The following AARS1 variants were observed in gnomAD, a reference collection of about 807,000 sequenced individuals.
The protein encoded by AARS1 is alanine--tRNA ligase, cytoplasmic.
Under a neutral mutation model 108.9 loss-of-function variants are expected in AARS1, and 72 were observed. That is an observed-to-expected ratio of 0.66 (90% CI 0.55 to 0.80). The LOEUF (loss-of-function observed/expected upper bound fraction) is 0.80, where lower values mean the gene tolerates loss of function less well. AARS1 is among the 30% of genes least tolerant of loss of function. AARS1 has a pLI of 0.00. For synonymous variants in AARS1, 489 were observed against 465.7 expected (o/e 1.05, Z -0.64); for missense variants, 1,193 against 1,233.2 (o/e 0.97, Z 0.49).
rs776276100 is a variant in AARS1 at position 70,253,920 on chromosome 16, C to A, written c.2519G>T (p.Arg840Leu). 1 of 1,614,224 alleles carries A rather than the reference C, an allele frequency of 6.2e-7. No individual in the cohort carries two copies. The highest frequency in any genetic ancestry group is 1.7e-5 in the Admixed American group (1 of 60,026). ...GCCACTGGTGCTGCCAGGACTCACT[C>A]GTTTCTGGACATCGGCTTTGCTGGC... The part of the protein sequence containing the change: ...DRASKADVQK[R>L]VLEKTKQFID... The change falls in exon 18 of 21, where the codon CGA (arginine) becomes CTA (leucine). Residue 840 changes from arginine to leucine, a missense_variant and splice_region_variant. Arg to Leu is a moderately radical substitution (Grantham distance 102, BLOSUM62 -2). Coordinates refer to ENST00000261772, the MANE Select transcript of AARS1 (RefSeq NM_001605.3).
At chr16:70,288,381 T>C (rs1960918693) in intron 1 of AARS1, among the ~76,000 whole-genome samples, 1 of 151,746 alleles carries the variant, frequency 6.6e-6, no homozygotes, top group Non-Finnish European at 1.5e-5. Context: ...AGTGCTGGGA[T>C]TACAGGCGTG....
intron 3 of AARS1, 97 bp from the exon 4 acceptor site, chr16:70,276,728 C>T: frequency 7.3e-7 from 1 of 1,376,540 alleles, no homozygotes; most frequent in Non-Finnish European, 1.0e-6. Context: ...AAAATCACAA[C>T]ATGTTCACTC....
Position 70,271,775 on chromosome 16 carries a change from G to C in AARS1, c.671+6C>G. 1 of 1,613,944 alleles carries C rather than the reference G, an allele frequency of 6.2e-7. No homozygotes were observed. The highest frequency in any genetic ancestry group is 8.5e-7 in the Non-Finnish European group (1 of 1,179,908). ...GGAAAGGAATGGAGTAGGAACCCAA[G>C]GCTACCTGTTATACTGGATGAACAC... On this transcript the variant is annotated splice_donor_region_variant and intron_variant, in intron 5 of 20. Coordinates refer to ENST00000261772, the MANE Select transcript of AARS1 (RefSeq NM_001605.3).
rs1415763165 is a variant in AARS1 at position 70,265,050 on chromosome 16, A to G, written c.1400T>C (p.Ile467Thr). ...TGCCCGGAGCTCTTCGATAGCGTAAATGTCCAGCATAATGAGGTCTTCCCC... is the reference window on the plus strand; with the variant it reads ...TGCCCGGAGCTCTTCGATAGCGTAAGTGTCCAGCATAATGAGGTCTTCCCC... ...AGGEDLIMLD[I>T]YAIEELRARG... Residue 467 changes from isoleucine (I) to threonine (T), a missense_variant, in exon 11 of 21, where the codon ATT becomes ACT. Coordinates refer to ENST00000261772, the MANE Select transcript of AARS1 (RefSeq NM_001605.3). 2 of 1,613,996 alleles carry G rather than the reference A, an allele frequency of 1.2e-6. No homozygotes were observed. The highest frequency in any genetic ancestry group is 3.3e-5 in the Admixed American group (2 of 59,982).
chr16:70,277,227 G>A, intron 2 of AARS1, 73 bp from the exon 3 acceptor site: 1 of 1,421,210 alleles, frequency 7.0e-7, no homozygotes, highest in Non-Finnish European at 9.9e-7. Flanking sequence ...CTAGCAGGAA[G>A]AGACGACCAC....
chr16:70,282,598 A>T (rs758454444), intron 2 of AARS1, 22 bp downstream of exon 2: 2 of 1,614,000 alleles, frequency 1.2e-6, no homozygotes, highest in African/African-American at 1.3e-5. Context: ...CCAAAAGCCA[A>T]GAAAAAAGGA....
At chr16:70,276,730 T>C (rs1304267514) in intron 3 of AARS1, 99 bp from the exon 4 acceptor site, 3 of 1,376,378 alleles carry the variant, frequency 2.2e-6, no homozygotes, top group Middle Eastern at 1.9e-4. Flanking sequence ...AATCACAACA[T>C]GTTCACTCTA....
Position 70,272,966 on chromosome 16 carries a change from A to G in AARS1, c.480-994T>C, listed in dbSNP as rs574912279. Reference sequence around the variant, plus strand: ...TATCTTTTAAAAGCTACACTTTTAAAGTGTAGATATACAGTACATGAAGTC... The same window carrying G: ...TATCTTTTAAAAGCTACACTTTTAAGGTGTAGATATACAGTACATGAAGTC... On this transcript the variant is annotated intron_variant, in intron 4 of 20. Coordinates refer to ENST00000261772, the MANE Select transcript of AARS1 (RefSeq NM_001605.3). Among the ~76,000 whole-genome samples, 3 of 151,952 alleles carry G rather than the reference A, an allele frequency of 2.0e-5. No individual in the cohort carries two copies. In the East Asian group the frequency reaches 5.8e-4, roughly 29 times the overall value.
At chr16:70,261,952 A>G (rs969509807) in intron 12 of AARS1, among the ~76,000 whole-genome samples, 2 of 152,046 alleles carry the variant, frequency 1.3e-5, no homozygotes, top group Non-Finnish European at 2.9e-5. Flanking sequence ...TATAGTCATG[A>G]GCCACCACAC....
At position 70,274,859 on chromosome 16, in the gene AARS1, C is replaced by T. The variant is rs572127099; in HGVS notation, c.479+1627G>A. ...CTATTAATGATGATTGAGGGAACTT[C>T]CACTTTCTATTTTCTACATTTCTAT... is the stretch of plus-strand genomic sequence containing the variant. On this transcript the variant is annotated intron_variant, in intron 4 of 20. Coordinates refer to ENST00000261772, the MANE Select transcript of AARS1 (RefSeq NM_001605.3). Among the ~76,000 whole-genome samples, 3 of 152,122 alleles carry T rather than the reference C, an allele frequency of 2.0e-5. No individual in the cohort carries two copies. The South Asian group carries it at 6.2e-4, about 32-fold the overall frequency.
In AARS1 at chr16:70,265,492, G is replaced by A. The variant is rs780356503; in HGVS notation, c.1347+46C>T. ...GCTCAGTCTGCAGCCAAGTGGTGCT[G>A]GGTTGGAAGGTGTTGGGTTTCCTGT... On this transcript the variant is annotated intron_variant, in intron 10 of 20. Transcript: ENST00000261772. The A allele has an allele frequency of 3.4e-5, 55 of 1,612,638 alleles. 3 individuals carry two copies. The South Asian group carries it at 4.0e-4, about 12-fold the overall frequency.
rs754119012 is a variant in AARS1 at position 70,253,970 on chromosome 16, CT to C, written c.2468del (p.Lys823ArgfsTer20). ...CTCGGTCCAAGTCATCCATGACCTTCTTTAGGGATTTGAGAGTCTCCCGCAA... is the reference window on the plus strand; with the variant it reads ...CTCGGTCCAAGTCATCCATGACCTTCTTAGGGATTTGAGAGTCTCCCGCAA... ...DELRETLKSL[K>X]KVMDDLDRAS... On this transcript the variant is annotated frameshift_variant, in exon 18 of 21. Coordinates refer to ENST00000261772, the MANE Select transcript of AARS1 (RefSeq NM_001605.3). LOFTEE classifies it high-confidence loss of function. 2 of 1,614,202 alleles carry C rather than the reference CT, an allele frequency of 1.2e-6. No homozygotes were observed. The highest frequency in any genetic ancestry group is 2.2e-5 in the East Asian group (1 of 44,876).
intron 1 of AARS1, among the ~76,000 whole-genome samples, chr16:70,284,649 T>C (rs1597450181): frequency 6.6e-6 from 1 of 152,218 alleles, no homozygotes; most frequent in Admixed American, 6.6e-5. Flanking sequence ...ACGATTTCCC[T>C]GAGAGGTAGG....
chr16:70,277,519 T>C (rs145917482), intron 2 of AARS1, among the ~76,000 whole-genome samples: 13 of 152,160 alleles, frequency 8.5e-5, no homozygotes, highest in African/African-American at 3.1e-4. Context: ...TCCTGAAAAT[T>C]GGTATGTTCA....
chr16:70,288,563 CTCTTT>C lies in AARS1; in HGVS notation c.-22+853_-22+857del, dbSNP rs1960931102. ...TCCCAGCAGCAACGACTGTTCTGGG[CTCTTT>C]TTTTTTTTTTTTTTTTGAAACGGAG... On this transcript the variant is annotated intron_variant, in intron 1 of 20. Coordinates refer to ENST00000261772, the MANE Select transcript of AARS1 (RefSeq NM_001605.3). Among the ~76,000 whole-genome samples the C allele has an allele frequency of 3.9e-5, 5 of 127,862 alleles. No individual in the cohort carries two copies. In the South Asian group the frequency reaches 1.1e-3, roughly 29 times the overall value. 83.9% of individuals were successfully genotyped at this position (127,862 alleles called of 152,430 possible).
At position 70,257,942 on chromosome 16, in the gene AARS1, TAGAC is replaced by T. The variant is rs1236627779; in HGVS notation, c.2177+87_2177+90del. 2.3e-5 allele frequency: 34 copies of T among 1,458,700 alleles called. No homozygotes were observed. The Middle Eastern group carries it at 5.4e-4, about 23-fold the overall frequency. The allele number at this position is 1,458,700 out of a possible 1,614,324, so 90.4% of individuals were successfully genotyped here. A position where few individuals can be genotyped will look rare whatever the true frequency, so the allele number is the denominator to read the frequency against. ...ATTTCTGAGGACTTCACTTCAACCTTAGACAGACAAGAGTTGGTCCAGCCTAAGA... is the reference window on the plus strand; with the variant it reads ...ATTTCTGAGGACTTCACTTCAACCTTAGACAAGAGTTGGTCCAGCCTAAGA... On this transcript the variant is annotated intron_variant, in intron 15 of 20. Transcript: ENST00000261772.
chr16:70,280,163 T>C (rs142649883), intron 2 of AARS1, among the ~76,000 whole-genome samples: 1 of 152,290 alleles, frequency 6.6e-6, no homozygotes, highest in African/African-American at 2.4e-5. Flanking sequence ...GCAATCCTCT[T>C]ACTTTGGCCT....
At chr16:70,278,926 T>A (rs1960621721) in intron 2 of AARS1, among the ~76,000 whole-genome samples, 1 of 152,178 alleles carries the variant, frequency 6.6e-6, no homozygotes, top group African/African-American at 2.4e-5. Flanking sequence ...GACAACTGAC[T>A]TGAGATCTCA....
intron 20 of AARS1, 130 bp downstream of exon 20, chr16:70,253,138 G>A: frequency 2.2e-6 from 2 of 901,306 alleles, no homozygotes; most frequent in East Asian, 2.6e-5. Context: ...GAAGGCCTGG[G>A]TAAGGGGTAC....
Sources: gnomAD v4.1 joint callset for allele counts (sites outside exome capture counted in the v4.1 genomes callset) on GRCh38, gnomAD v4.1.1 for gene constraint, MANE v1.5 for transcripts, NCBI Gene and HGNC (gene_info 2026-07-23, HGNC 2026-07-21) for gene names.